Variants in RNGTT observed in about 807,000 individuals in gnomAD.
The protein encoded by RNGTT is mRNA-capping enzyme.
In RNGTT, 33 loss-of-function variants were observed where a neutral mutation model predicts 79.3. The observed-to-expected ratio is 0.42, with a 90% CI of 0.32 to 0.56. RNGTT has a LOEUF of 0.56. Among genes scored for constraint, RNGTT ranks in the 20% least tolerant of loss-of-function variants. RNGTT has a pLI of 0.17. For missense variants in RNGTT, 497 were observed against 739.1 expected (o/e 0.67, Z 3.80); for synonymous variants, 222 against 235.9 (o/e 0.94, Z 0.54).
At chr6:88,797,550 T>G (rs1314125811) in intron 12 of RNGTT, among the ~76,000 whole-genome samples, 2 of 151,954 alleles carry the variant, frequency 1.3e-5, no homozygotes, top group African/African-American at 4.8e-5. Flanking sequence ...AAATGAAAAA[T>G]GGACCTTATA....
intron 13 of RNGTT, among the ~76,000 whole-genome samples, chr6:88,696,031 G>A (rs913856303): frequency 2.6e-5 from 4 of 152,134 alleles, no homozygotes; most frequent in Admixed American, 2.6e-4. Context: ...GTTGATCAAA[G>A]CGTACAGTTT....
At position 88,929,016 on chromosome 6, in the gene RNGTT, C is replaced by T. The variant is rs768867448; in HGVS notation, c.336G>A (p.Arg112=). ...NTETFIRLCE[R]FNERNPPELI... is the part of the protein sequence containing the mutation. ...GTTCAGGTGGATTTCTTTCATTAAACCGCTCACACAGACGAATAAAGGTCT... is the reference window on the plus strand; with the variant it reads ...GTTCAGGTGGATTTCTTTCATTAAATCGCTCACACAGACGAATAAAGGTCT... Residue 112 remains arginine (R), a synonymous_variant, in exon 4 of 16, where the codon CGG becomes CGA. Transcript: ENST00000369485. The T allele has an allele frequency of 9.9e-6, 16 of 1,612,120 alleles. No individual in the cohort carries two copies. The highest frequency in any genetic ancestry group is 5.3e-5 in the African/African-American group (4 of 74,812).
chr6:88,721,307 T>C (rs1010689489), intron 13 of RNGTT, among the ~76,000 whole-genome samples: 1 of 152,070 alleles, frequency 6.6e-6, no homozygotes, highest in Admixed American at 6.6e-5. Flanking sequence ...ATCAAATTAG[T>C]AATCTACTCT....
intron 8 of RNGTT, among the ~76,000 whole-genome samples, chr6:88,859,971 C>T (rs1781957813): frequency 6.6e-6 from 1 of 152,110 alleles, no homozygotes; most frequent in Admixed American, 6.6e-5. Flanking sequence ...ATGCAGACCA[C>T]TAAAATGTTT....
chr6:88,753,885 G>A (rs958370111), intron 13 of RNGTT, among the ~76,000 whole-genome samples: 3 of 151,990 alleles, frequency 2.0e-5, no homozygotes, highest in Non-Finnish European at 4.4e-5. Flanking sequence ...TAGAAAGTAC[G>A]GGTTAAAAAG....
chr6:88,636,065 C>A (rs959524), intron 14 of RNGTT, among the ~76,000 whole-genome samples: 9,104 of 152,076 alleles, frequency 0.06, 962 homozygotes, highest in African/African-American at 0.21. Context: ...ACAGAACCTC[C>A]CTTACCACCA....
At position 88,804,309 on chromosome 6, in the gene RNGTT, G is replaced by A. The variant is rs12208611; in HGVS notation, c.1270-2677C>T. Among the ~76,000 whole-genome samples, 882 of 152,244 alleles carry A rather than the reference G, an allele frequency of 5.8e-3. 8 individuals are homozygous for A. Among genetic ancestry groups the A allele is most frequent in the South Asian group, 0.02 (97 of 4,820 alleles). On this transcript the variant is annotated intron_variant, in intron 11 of 15. Coordinates refer to ENST00000369485, the MANE Select transcript of RNGTT (RefSeq NM_003800.5). The stretch of plus-strand genomic sequence containing the variant: ...TGAAACAAATGCCCCAAAGATTTCT[G>A]CAAGTTCCTAAATATATAGGTCCTC...
chr6:88,634,590 G>A (rs993548890), intron 14 of RNGTT, among the ~76,000 whole-genome samples: 10 of 152,018 alleles, frequency 6.6e-5, no homozygotes, highest in Non-Finnish European at 1.0e-4. Context: ...GGTTGGCTTC[G>A]AGTCCCTTAA....
intron 14 of RNGTT, among the ~76,000 whole-genome samples, chr6:88,646,949 C>T (rs1052507440): frequency 1.3e-5 from 2 of 151,926 alleles, no homozygotes; most frequent in African/African-American, 4.8e-5. Context: ...TAATGTGCAC[C>T]AACATGGCAC....
At chr6:88,918,559 A>G (rs1784069453) in intron 4 of RNGTT, among the ~76,000 whole-genome samples, 1 of 152,244 alleles carries the variant, frequency 6.6e-6, no homozygotes, top group African/African-American at 2.4e-5. Context: ...AAGCTTGACA[A>G]TAATAGAAAC....
intron 2 of RNGTT, among the ~76,000 whole-genome samples, chr6:88,937,188 T>C (rs111495072): frequency 0.014 from 2,094 of 151,864 alleles, 48 homozygotes; most frequent in African/African-American, 0.049. Flanking sequence ...AACTAAAAAA[T>C]ACAAAAAATT....
chr6:88,812,098 T>A (rs1780158219), intron 11 of RNGTT, among the ~76,000 whole-genome samples: 3 of 152,202 alleles, frequency 2.0e-5, no homozygotes, highest in Admixed American at 1.3e-4. Context: ...AAAGCCAACA[T>A]CATTATCTTC....
intron 8 of RNGTT, among the ~76,000 whole-genome samples, chr6:88,870,451 A>G (rs1422509978): frequency 6.6e-6 from 1 of 151,744 alleles, no homozygotes; most frequent in Non-Finnish European, 1.5e-5. Flanking sequence ...TAAATAAAAG[A>G]GCTACATTCC....
intron 2 of RNGTT, among the ~76,000 whole-genome samples, chr6:88,932,655 T>C (rs1221886499): frequency 6.6e-6 from 1 of 152,188 alleles, no homozygotes; most frequent in East Asian, 1.9e-4. Context: ...GTTGAAATAT[T>C]GGGGGCTGGT....
intron 8 of RNGTT, among the ~76,000 whole-genome samples, chr6:88,885,550 C>T (rs980881337): frequency 1.3e-5 from 2 of 152,140 alleles, no homozygotes; most frequent in African/African-American, 4.8e-5. Context: ...TCCACTATTC[C>T]ACTTAGCAAA....
At chr6:88,960,321 G>C (rs1440838991) in intron 1 of RNGTT, among the ~76,000 whole-genome samples, 1 of 152,164 alleles carries the variant, frequency 6.6e-6, no homozygotes, top group Non-Finnish European at 1.5e-5. Flanking sequence ...TGAGTACCTG[G>C]GACCACAAGT....
At chr6:88,704,246 C>T (rs552167922) in intron 13 of RNGTT, among the ~76,000 whole-genome samples, 2 of 105,688 alleles carry the variant, frequency 1.9e-5, no homozygotes, top group African/African-American at 3.7e-5. Context: ...GGTGACAGAG[C>T]GAGACTCTGT....
At chr6:88,801,420 A>T in intron 12 of RNGTT, 144 bp downstream of exon 12, 1 of 501,588 alleles carries the variant, frequency 2.0e-6, no homozygotes, top group Non-Finnish European at 3.6e-6. Flanking sequence ...AATTTGTTTT[A>T]AGGAAAAGTG....
chr6:88,641,304 A>G (rs1188257966), intron 14 of RNGTT, among the ~76,000 whole-genome samples: 1 of 150,522 alleles, frequency 6.6e-6, no homozygotes, highest in Non-Finnish European at 1.5e-5. Context: ...GCGCCACTGC[A>G]CTCTAGCTTG....
Sources: allele counts gnomAD v4.1 joint callset (sites outside exome capture counted in the v4.1 genomes callset), GRCh38; gene constraint gnomAD v4.1.1; transcripts MANE v1.5; gene names NCBI Gene and HGNC (gene_info 2026-07-23, HGNC 2026-07-21).